Variants in ADGRV1 observed in about 807,000 individuals in gnomAD.
ADGRV1 encodes the protein adhesion G protein-coupled receptor V1.
Under a neutral mutation model 596.2 loss-of-function variants are expected in ADGRV1, and 359 were observed. The ratio of observed to expected loss-of-function variants is 0.60; its 90% CI spans 0.55 to 0.66. The LOEUF (loss-of-function observed/expected upper bound fraction) is 0.66. ADGRV1 is among the 30% of genes least tolerant of loss of function. The pLI is 0.00. For missense variants in ADGRV1, 7,274 were observed against 7,575.6 expected (o/e 0.96, Z 1.48); for synonymous variants, 2,681 against 2,679.2 (o/e 1.00, Z -0.02).
At position 91,136,617 on chromosome 5, in the gene ADGRV1, C is replaced by T. The variant is rs533853062; in HGVS notation, c.18433-13413C>T. Among the ~76,000 whole-genome samples, 6 of 152,282 alleles carry T rather than the reference C, an allele frequency of 3.9e-5. No individual in the cohort carries two copies. The East Asian group carries it at 9.6e-4, about 24-fold the overall frequency. On this transcript the variant is annotated intron_variant, in intron 87 of 89. Transcript: ENST00000405460. ...CACCTTTCTTTATAAATTTGATCTA[C>T]AGCTTACAAATATATATAGTACATT...
intron 87 of ADGRV1, among the ~76,000 whole-genome samples, chr5:91,140,507 T>A (rs6873311): frequency 0.013 from 1,938 of 152,304 alleles, 39 homozygotes; most frequent in African/African-American, 0.043. Context: ...TTTAAAAAAA[T>A]TCCTATTGAA....
At chr5:90,751,629 G>A (rs1227775365) in intron 53 of ADGRV1, among the ~76,000 whole-genome samples, 1 of 152,164 alleles carries the variant, frequency 6.6e-6, no homozygotes, top group Non-Finnish European at 1.5e-5. Flanking sequence ...AAGATGGGTT[G>A]TCTTCTTGGC....
chr5:90,829,623 G>A (rs998363747), intron 77 of ADGRV1, among the ~76,000 whole-genome samples: 2 of 152,134 alleles, frequency 1.3e-5, no homozygotes. Flanking sequence ...TGTTCACAAA[G>A]CCTCACTGCC....
chr5:90,876,211 C>T (rs1057478754), intron 83 of ADGRV1, among the ~76,000 whole-genome samples: 1 of 152,074 alleles, frequency 6.6e-6, no homozygotes, highest in Non-Finnish European at 1.5e-5. Context: ...TAAGATATAA[C>T]AATCACAAAT....
chr5:90,788,770 T>A (rs142220490), intron 68 of ADGRV1, among the ~76,000 whole-genome samples: 1 of 152,096 alleles, frequency 6.6e-6, no homozygotes, highest in African/African-American at 2.4e-5. Flanking sequence ...ACCCATTTTT[T>A]TGAAGTTTGT....
At chr5:91,089,334 T>C (rs774327981) in intron 86 of ADGRV1, among the ~76,000 whole-genome samples, 13 of 152,096 alleles carry the variant, frequency 8.5e-5, no homozygotes, top group Non-Finnish European at 1.9e-4. Flanking sequence ...CTGATAGCTG[T>C]TGGGAAAAGA....
intron 83 of ADGRV1, among the ~76,000 whole-genome samples, chr5:90,912,096 G>A (rs1040843747): frequency 2.0e-5 from 3 of 152,138 alleles, no homozygotes; most frequent in African/African-American, 7.2e-5. Context: ...TGCTTGGTAA[G>A]CGGTAAGTAC....
chr5:90,778,929 T>C lies in ADGRV1; in HGVS notation c.12914T>C (p.Met4305Thr), dbSNP rs149133690. Residue 4305 changes from methionine (M) to threonine (T), a missense_variant, in exon 64 of 90, where the codon ATG becomes ACG. By Grantham distance (81) the Met-to-Thr change is moderately conservative. Transcript: ENST00000405460. ...FGHVRLWYKT[M>T]SGTAEAGLDF... ...CATGTGCGACTCTGGTACAAGACGA[T>C]GAGCGGGACAGCGGAAGCAGGCTTG... 8.1e-6 allele frequency: 13 copies of C among 1,613,472 alleles called. No homozygotes were observed. The highest frequency in any genetic ancestry group is 1.7e-5 in the Admixed American group (1 of 59,978).
Position 91,000,668 on chromosome 5 carries a change from CTGTGTGTGTGTGTGTGTGTG to C in ADGRV1, c.18152+15168_18152+15187del, listed in dbSNP as rs6149110. Among the ~76,000 whole-genome samples, 4 of 141,254 alleles carry C rather than the reference CTGTGTGTGTGTGTGTGTGTG, an allele frequency of 2.8e-5. No individual in the cohort carries two copies. In the South Asian group the frequency reaches 9.3e-4, roughly 33 times the overall value. The allele number at this position is 141,254 out of a possible 152,430, so 92.7% of individuals were successfully genotyped here. A position where few individuals can be genotyped will look rare whatever the true frequency, so the allele number is the denominator to read the frequency against. On this transcript the variant is annotated intron_variant, in intron 85 of 89. Transcript: ENST00000405460. ...TCCAGAGAAACAGAGCTTACAGGAT[CTGTGTGTGTGTGTGTGTGTG>C]TGTGTGTGTGTGTGTGTGTGTTTAT...
chr5:91,072,135 C>G (rs1477830437), intron 85 of ADGRV1, among the ~76,000 whole-genome samples: 2 of 152,074 alleles, frequency 1.3e-5, no homozygotes, highest in Non-Finnish European at 2.9e-5. Context: ...TTAAAATGAA[C>G]AGATATGTAC....
chr5:90,655,108 T>C (rs1355784842), intron 20 of ADGRV1: 1 of 152,248 alleles, frequency 6.6e-6, no homozygotes, highest in Non-Finnish European at 1.5e-5. Flanking sequence ...AAGTGAAATT[T>C]TTAAAACTTA....
chr5:90,596,513 T>G (rs1760637023), intron 1 of ADGRV1, among the ~76,000 whole-genome samples: 1 of 151,842 alleles, frequency 6.6e-6, no homozygotes, highest in Non-Finnish European at 1.5e-5. Flanking sequence ...GAGCACTGAG[T>G]GAACCAGACT....
chr5:90,689,605 T>G (rs914768260), intron 29 of ADGRV1, among the ~76,000 whole-genome samples: 2 of 152,100 alleles, frequency 1.3e-5, no homozygotes, highest in Non-Finnish European at 2.9e-5. Context: ...CAAATAGATA[T>G]ACATCTTTCT....
At chr5:90,956,173 G>A (rs187198380) in intron 83 of ADGRV1, among the ~76,000 whole-genome samples, 76 of 152,176 alleles carry the variant, frequency 5.0e-4, no homozygotes, top group Admixed American at 3.9e-3. Flanking sequence ...AACTTATGAA[G>A]CAAAAACAGC....
chr5:90,738,403 G>T (rs1270160292), intron 50 of ADGRV1, among the ~76,000 whole-genome samples: 1 of 151,928 alleles, frequency 6.6e-6, no homozygotes, highest in Non-Finnish European at 1.5e-5. Context: ...ATACCATTCA[G>T]TTTTCTTTAA....
intron 70 of ADGRV1, among the ~76,000 whole-genome samples, chr5:90,794,102 C>G (rs1323658006): frequency 6.6e-6 from 1 of 152,216 alleles, no homozygotes; most frequent in African/African-American, 2.4e-5. Flanking sequence ...ATCCTGTCCT[C>G]CCTCTTCTAC....
chr5:90,630,569 G>A (rs1031707642), intron 9 of ADGRV1: 2 of 152,098 alleles, frequency 1.3e-5, no homozygotes, highest in African/African-American at 4.8e-5. Flanking sequence ...ATTAAATTAT[G>A]TAAATCAATT....
At chr5:90,644,456 T>A (rs1278754666) in intron 14 of ADGRV1, among the ~76,000 whole-genome samples, 3 of 152,186 alleles carry the variant, frequency 2.0e-5, no homozygotes, top group Non-Finnish European at 4.4e-5. Context: ...CTGTTTCCCA[T>A]GCCAACTGAC....
intron 83 of ADGRV1, among the ~76,000 whole-genome samples, chr5:90,895,942 G>A (rs140196779): frequency 6.6e-6 from 1 of 151,854 alleles, no homozygotes; most frequent in Admixed American, 6.6e-5. Context: ...ATTTATAAAT[G>A]TGTCATTTAT....
Sources: allele counts gnomAD v4.1 joint callset (sites outside exome capture counted in the v4.1 genomes callset), GRCh38; gene constraint gnomAD v4.1.1; transcripts MANE v1.5; gene names NCBI Gene and HGNC (gene_info 2026-07-23, HGNC 2026-07-21).